DNAI3: variants seen among roughly 807,000 people sequenced by gnomAD.
DNAI3 encodes the protein WD repeat domain 63.
Under a neutral mutation model 115.5 loss-of-function variants are expected in DNAI3, and 83 were observed. The ratio of observed to expected loss-of-function variants is 0.72; its 90% CI spans 0.60 to 0.86. DNAI3 has a LOEUF of 0.86. Among genes scored for constraint, DNAI3 ranks in the 40% least tolerant of loss-of-function variants. The pLI is 0.00. For synonymous variants in DNAI3, 320 were observed against 347.0 expected, an observed-to-expected ratio of 0.92 and a Z score of 0.86; for missense variants, 1,004 against 1,075.8, an observed-to-expected ratio of 0.93 and a Z score of 0.93.
chr1:85,104,796 A>T (rs1227101384), intron 14 of DNAI3, among the ~76,000 whole-genome samples, 199 bp downstream of exon 14: 2 of 152,122 alleles, frequency 1.3e-5, no homozygotes, highest in South Asian at 2.1e-4. Flanking sequence ...AGAAGAATTA[A>T]CTAAGCTTTG....
In DNAI3 at chr1:85,085,996, C is replaced by T. The variant is rs1472967804; in HGVS notation, c.706C>T (p.Pro236Ser). The T allele has an allele frequency of 6.2e-7, 1 of 1,613,854 alleles. No individual in the cohort carries two copies. The highest frequency in any genetic ancestry group is 1.3e-5 in the African/African-American group (1 of 74,874). The change falls in exon 7 of 23, where the codon CCC becomes TCC. Residue 236 changes from proline (P) to serine (S), a missense_variant. Coordinates refer to ENST00000294664, the MANE Select transcript of DNAI3 (RefSeq NM_145172.5). ...AAAAGATGTTGGCATGCAAGTAATC[C>T]CCCAAATAAAGGACATAAGCACTCA... ...LEKDVGMQVI[P>S]QIKDISTQTK...
intron 6 of DNAI3, 60 bp downstream of exon 6, chr1:85,084,755 C>G: frequency 7.6e-7 from 1 of 1,314,822 alleles, no homozygotes; most frequent in Admixed American, 3.0e-5. Flanking sequence ...AACACTTATT[C>G]CTGAGGGATT....
At chr1:85,108,377 G>A (rs192836256) in intron 15 of DNAI3, among the ~76,000 whole-genome samples, 200 bp downstream of exon 15, 1 of 152,178 alleles carries the variant, frequency 6.6e-6, no homozygotes, top group Admixed American at 6.5e-5. Context: ...ATTGATACAT[G>A]TTATTGTATA....
At chr1:85,097,547 A>G in intron 11 of DNAI3, 22 bp from the exon 12 acceptor site, 2 of 1,588,034 alleles carry the variant, frequency 1.3e-6, no homozygotes, top group South Asian at 2.4e-5. Flanking sequence ...AAAGGTTATG[A>G]TAACATTTAT....
At chr1:85,071,047 C>T (rs371232927) in intron 1 of DNAI3, among the ~76,000 whole-genome samples, 29 of 152,284 alleles carry the variant, frequency 1.9e-4, no homozygotes, top group African/African-American at 2.4e-4. Context: ...GTTAAAGTGA[C>T]GCAAACCAGT....
chr1:85,098,130 G>A (rs1001028511), intron 12 of DNAI3, among the ~76,000 whole-genome samples: 33 of 152,240 alleles, frequency 2.2e-4, no homozygotes, highest in African/African-American at 7.5e-4. Context: ...CTGTTAAGAG[G>A]GTTGAGAAGA....
At chr1:85,122,022 T>C (rs1329817283) in intron 18 of DNAI3, among the ~76,000 whole-genome samples, 1 of 152,238 alleles carries the variant, frequency 6.6e-6, no homozygotes, top group Admixed American at 6.5e-5. Flanking sequence ...TCTTAGATCC[T>C]ACGCCAGGCC....
At chr1:85,117,964 A>C in intron 17 of DNAI3, 105 bp downstream of exon 17, 1 of 1,334,604 alleles carries the variant, frequency 7.5e-7, no homozygotes, top group Admixed American at 2.3e-5. Context: ...TAAAAGTTAT[A>C]CCATTTTCAT....
chr1:85,085,185 C>G (rs1034284594), intron 6 of DNAI3, among the ~76,000 whole-genome samples: 1 of 152,178 alleles, frequency 6.6e-6, no homozygotes, highest in Non-Finnish European at 1.5e-5. Context: ...TCCCTCAGAG[C>G]CTTCAGAAGG....
At chr1:85,091,984 A>G (rs1557713953) in intron 8 of DNAI3, among the ~76,000 whole-genome samples, 1 of 152,232 alleles carries the variant, frequency 6.6e-6, no homozygotes, top group Non-Finnish European at 1.5e-5. Context: ...GCTTAACCAG[A>G]AAGAAATATG....
At chr1:85,099,178 A>G in intron 13 of DNAI3, 1 of 892,788 alleles carries the variant, frequency 1.1e-6, no homozygotes, top group Non-Finnish European at 1.3e-6. Flanking sequence ...TTACTTGACT[A>G]TAACCTCACA....
At chr1:85,087,025 T>C (rs1654817405) in intron 7 of DNAI3, among the ~76,000 whole-genome samples, 1 of 152,006 alleles carries the variant, frequency 6.6e-6, no homozygotes, top group African/African-American at 2.4e-5. Flanking sequence ...CCACGCATAC[T>C]CATACCTGAT....
intron 13 of DNAI3, among the ~76,000 whole-genome samples, chr1:85,104,257 AC>A (rs1228057371): frequency 6.6e-6 from 1 of 151,326 alleles, no homozygotes; most frequent in Non-Finnish European, 1.5e-5. Context: ...ACTAGCTGGG[AC>A]TACAGGCGCC....
chr1:85,122,807 C>T (rs1656028730), intron 18 of DNAI3, among the ~76,000 whole-genome samples: 1 of 152,152 alleles, frequency 6.6e-6, no homozygotes, highest in African/African-American at 2.4e-5. Flanking sequence ...GTGGTGTGGC[C>T]TTGACAGCCA....
chr1:85,117,479 C>G (rs6576749), intron 16 of DNAI3, among the ~76,000 whole-genome samples: 88,961 of 152,042 alleles, frequency 0.59, 26,124 homozygotes, highest in Admixed American at 0.65. Context: ...CCCCGAATTA[C>G]CTATGCTCTT....
chr1:85,128,353 T>A (rs1297174754), intron 20 of DNAI3, among the ~76,000 whole-genome samples: 2 of 152,150 alleles, frequency 1.3e-5, no homozygotes, highest in African/African-American at 4.8e-5. Flanking sequence ...TCTTTGAAAA[T>A]CTTTCCATGT....
intron 1 of DNAI3, among the ~76,000 whole-genome samples, chr1:85,064,968 G>C (rs1191931798): frequency 6.6e-6 from 1 of 152,152 alleles, no homozygotes; most frequent in African/African-American, 2.4e-5. Flanking sequence ...GGGAGGCGGA[G>C]GTTGCAATGA....
chr1:85,081,430 C>G lies in DNAI3; in HGVS notation c.285+15C>G. 1 of 1,533,622 alleles carries G rather than the reference C, an allele frequency of 6.5e-7. No homozygotes were observed. The highest frequency in any genetic ancestry group is 8.7e-7 in the Non-Finnish European group (1 of 1,149,694). On this transcript the variant is annotated intron_variant, in intron 4 of 22. Transcript: ENST00000294664. ...AAATTGTCCAGGTAAGCACAATATC[C>G]CTATTTATTTTCAGTCCTACCTCAA...
chr1:85,101,744 A>AAAAAAAAAG, intron 13 of DNAI3, among the ~76,000 whole-genome samples: 2 of 149,738 alleles, frequency 1.3e-5, no homozygotes, highest in African/African-American at 2.4e-5. Context: ...AAAAAAAAAA[A>AAAAAAAAAG]AAAAAAAAGG....
Sources: gnomAD v4.1 joint callset for allele counts (sites outside exome capture counted in the v4.1 genomes callset) on GRCh38, gnomAD v4.1.1 for gene constraint, MANE v1.5 for transcripts, NCBI Gene and HGNC (gene_info 2026-07-23, HGNC 2026-07-21) for gene names.